PCLO: variants seen among roughly 807,000 people sequenced by gnomAD.
PCLO encodes piccolo presynaptic cytomatrix protein.
Under a neutral mutation model 427.5 loss-of-function variants are expected in PCLO, and 82 were observed. The ratio of observed to expected loss-of-function variants is 0.19; its 90% CI spans 0.16 to 0.23. The LOEUF is 0.23. Among genes scored for constraint, PCLO ranks in the 10% least tolerant of loss-of-function variants. The pLI is 1.00. For missense variants in PCLO, 6,239 were observed against 6,115.9 expected, an observed-to-expected ratio of 1.02 and a Z score of -0.67; for synonymous variants, 2,357 against 2,155.4, an observed-to-expected ratio of 1.09 and a Z score of -2.59.
chr7:82,925,713 CTTTTTTTTTTTTT>C (rs34017885), intron 6 of PCLO, among the ~76,000 whole-genome samples: 2 of 78,986 alleles, frequency 2.5e-5, no homozygotes, highest in South Asian at 1.0e-3. Context: ...ATTTTTGTTG[CTTTTTTTTTTTTT>C]TTTTTTTTTT....
intron 22 of PCLO, among the ~76,000 whole-genome samples, chr7:82,799,340 T>C (rs1791294118): frequency 6.6e-6 from 1 of 152,198 alleles, no homozygotes; most frequent in African/African-American, 2.4e-5. Context: ...ATAAGCGCTA[T>C]CTCTGGTTTG....
chr7:82,800,643 T>C lies in PCLO; in HGVS notation c.15007+875A>G, dbSNP rs556126043. 2.6e-5 allele frequency among the ~76,000 whole-genome samples: 4 copies of C among 152,258 alleles called. No homozygotes were observed. The East Asian group carries it at 7.7e-4, about 29-fold the overall frequency. ...TGGAGTCTCCCTCTGTCGCCCAGGC[T>C]GGAGTGCAGTGGCGAGATCTGGGCT... On this transcript the variant is annotated intron_variant, in intron 22 of 24. Coordinates refer to ENST00000333891, the MANE Select transcript of PCLO (RefSeq NM_033026.6).
chr7:82,979,262 T>TA (rs1477340579), intron 3 of PCLO, among the ~76,000 whole-genome samples: 1 of 152,160 alleles, frequency 6.6e-6, no homozygotes, highest in Non-Finnish European at 1.5e-5. Context: ...CTGTCCATGG[T>TA]AAAAATTTGA....
At chr7:82,900,817 T>C (rs1794020000) in intron 9 of PCLO, among the ~76,000 whole-genome samples, 1 of 151,840 alleles carries the variant, frequency 6.6e-6, no homozygotes. Flanking sequence ...TTATTGGGAT[T>C]AGAAGTTAAC....
At position 82,949,753 on chromosome 7, in the gene PCLO, A is replaced by G; in HGVS notation, c.10835T>C (p.Leu3612Pro). ...SHLRADSTVQ[L>P]APSPPKSPKV... ...GGGGGATTTGGGTGGGGAAGGAGCC[A>G]GCTGTACTGTGGAATCTGCCCGGAG... Residue 3612 changes from leucine (L) to proline (P), a missense_variant, in exon 6 of 25, where the codon CTG (leucine) becomes CCG (proline). Leu to Pro is a moderately conservative substitution (Grantham distance 98). Coordinates refer to ENST00000333891, the MANE Select transcript of PCLO (RefSeq NM_033026.6). 1 of 1,613,856 alleles carries G rather than the reference A, an allele frequency of 6.2e-7. No homozygotes were observed. The highest frequency in any genetic ancestry group is 8.5e-7 in the Non-Finnish European group (1 of 1,179,844).
intron 22 of PCLO, among the ~76,000 whole-genome samples, chr7:82,776,100 T>C (rs912174357): frequency 3.3e-5 from 5 of 152,194 alleles, no homozygotes; most frequent in Non-Finnish European, 7.3e-5. Context: ...TATATAGGTG[T>C]TCACATTGTT....
intron 2 of PCLO, among the ~76,000 whole-genome samples, chr7:83,136,256 T>C (rs1170627482): frequency 3.3e-5 from 5 of 152,160 alleles, no homozygotes; most frequent in Non-Finnish European, 7.4e-5. Context: ...TCCCCAGAAA[T>C]AGAAAACCAT....
intron 3 of PCLO, among the ~76,000 whole-genome samples, chr7:83,007,081 T>G (rs1015991966): frequency 1.3e-5 from 2 of 151,570 alleles, no homozygotes; most frequent in Non-Finnish European, 3.0e-5. Flanking sequence ...CCCAAGGTCC[T>G]TGACCATTGC....
chr7:83,044,652 A>G (rs553361222), intron 3 of PCLO, among the ~76,000 whole-genome samples: 2 of 152,296 alleles, frequency 1.3e-5, no homozygotes, highest in East Asian at 1.9e-4. Flanking sequence ...GCAAACAAAA[A>G]TCATTCTCTA....
In PCLO at chr7:82,758,350, G is replaced by T; in HGVS notation, c.*225C>A. The T allele has an allele frequency of 2.5e-6, 1 of 396,292 alleles. No individual in the cohort carries two copies. Among genetic ancestry groups the T allele is most frequent in the Non-Finnish European group, 4.5e-6 (1 of 222,780 alleles). The allele number at this position is 396,292 out of a possible 1,614,324, so 24.5% of individuals were successfully genotyped here. On this transcript the variant is annotated 3_prime_UTR_variant, in exon 25 of 25. Coordinates refer to ENST00000333891, the MANE Select transcript of PCLO (RefSeq NM_033026.6). Reference sequence around the variant, plus strand: ...TCTTCACAGCCATGGGAAATTCAAGGTCTCAGAACTCCATTCTTCTTGTTT... The same window carrying T: ...TCTTCACAGCCATGGGAAATTCAAGTTCTCAGAACTCCATTCTTCTTGTTT...
At chr7:83,049,030 T>C (rs1288698723) in intron 3 of PCLO, among the ~76,000 whole-genome samples, 1 of 152,154 alleles carries the variant, frequency 6.6e-6, no homozygotes, top group Non-Finnish European at 1.5e-5. Context: ...CAAACAACAA[T>C]AATGTACTCT....
intron 3 of PCLO, among the ~76,000 whole-genome samples, chr7:83,084,126 A>C (rs552905638): frequency 6.6e-6 from 1 of 152,122 alleles, no homozygotes; most frequent in Non-Finnish European, 1.5e-5. Flanking sequence ...ATTCTAGACC[A>C]TCTATCAATG....
chr7:82,893,957 C>A (rs927071985), intron 9 of PCLO, among the ~76,000 whole-genome samples: 4 of 151,422 alleles, frequency 2.6e-5, no homozygotes, highest in African/African-American at 7.3e-5. Flanking sequence ...GAATCTTATG[C>A]CAAAATAAAT....
chr7:82,823,496 A>T (rs2715149), intron 19 of PCLO, among the ~76,000 whole-genome samples: 19,541 of 152,058 alleles, frequency 0.13, 1,854 homozygotes, highest in East Asian at 0.4. Flanking sequence ...AAGGTACCAC[A>T]TGTTTTATCC....
chr7:82,892,674 C>G (rs1395957917), intron 9 of PCLO, among the ~76,000 whole-genome samples: 2 of 152,048 alleles, frequency 1.3e-5, no homozygotes, highest in Non-Finnish European at 2.9e-5. Context: ...TTGCAATCTC[C>G]TCATCTGACA....
chr7:82,860,333 C>A (rs1792921233), intron 10 of PCLO, among the ~76,000 whole-genome samples: 1 of 151,888 alleles, frequency 6.6e-6, no homozygotes, highest in South Asian at 2.1e-4. Flanking sequence ...AAATAACATA[C>A]AATACAGCTC....
chr7:83,065,498 TAA>T (rs780514400), intron 3 of PCLO, among the ~76,000 whole-genome samples: 34 of 104,096 alleles, frequency 3.3e-4, no homozygotes, highest in Non-Finnish European at 5.6e-4. Context: ...GCTCAAAATG[TAA>T]AAAAAAAAAA....
chr7:83,098,200 T>C (rs938931196), intron 3 of PCLO, among the ~76,000 whole-genome samples: 2 of 152,148 alleles, frequency 1.3e-5, no homozygotes, highest in Non-Finnish European at 2.9e-5. Flanking sequence ...TTCTTCTGTT[T>C]ACTAATACTA....
At chr7:83,095,049 C>T (rs1790497672) in intron 3 of PCLO, among the ~76,000 whole-genome samples, 1 of 152,080 alleles carries the variant, frequency 6.6e-6, no homozygotes, top group South Asian at 2.1e-4. Flanking sequence ...GGGGTTAATG[C>T]TTCAAATGTT....
Sources: allele counts gnomAD v4.1 joint callset (sites outside exome capture counted in the v4.1 genomes callset), GRCh38; gene constraint gnomAD v4.1.1; transcripts MANE v1.5; gene names NCBI Gene and HGNC (gene_info 2026-07-23, HGNC 2026-07-21).